Variants in ATF7IP observed in about 807,000 individuals in gnomAD.
ATF7IP encodes the protein activating transcription factor 7 interacting protein, also known as activating transcription factor 7-interacting protein 1.
Under a neutral mutation model 106.4 loss-of-function variants are expected in ATF7IP, and 23 were observed. The observed-to-expected ratio is 0.22, with a 90% confidence interval of 0.16 to 0.31. The LOEUF is 0.31. Among genes scored for constraint, ATF7IP ranks in the 10% least tolerant of loss-of-function variants. The pLI, the probability that ATF7IP is intolerant of heterozygous loss-of-function variation, is 1.00. For missense variants in ATF7IP, 1,334 were observed against 1,524.3 expected (o/e 0.88, Z 2.08); for synonymous variants, 542 against 539.0 (o/e 1.01, Z -0.08).
At chr12:14,487,198 A>G (rs1292913996) in intron 13 of ATF7IP, among the ~76,000 whole-genome samples, 1 of 151,428 alleles carries the variant, frequency 6.6e-6, no homozygotes, top group African/African-American at 2.5e-5. Flanking sequence ...CAAGAAATTC[A>G]GCCTGATCCA....
chr12:14,453,065 T>C (rs142209365), intron 6 of ATF7IP, among the ~76,000 whole-genome samples: 1 of 152,342 alleles, frequency 6.6e-6, no homozygotes, highest in Non-Finnish European at 1.5e-5. Context: ...TGCTGAGATA[T>C]CTGCGTGTTA....
intron 6 of ATF7IP, among the ~76,000 whole-genome samples, chr12:14,450,286 G>A (rs1943150596): frequency 6.6e-6 from 1 of 152,196 alleles, no homozygotes. Flanking sequence ...CATTGAGTAT[G>A]ATGTTAACCA....
chr12:14,492,521 G>A (rs1194751824), intron 13 of ATF7IP, among the ~76,000 whole-genome samples: 3 of 151,992 alleles, frequency 2.0e-5, no homozygotes, highest in African/African-American at 4.8e-5. Flanking sequence ...GAAATTGATT[G>A]AGGGGTCATC....
chr12:14,460,260 T>A (rs977861832), intron 8 of ATF7IP, among the ~76,000 whole-genome samples: 5 of 152,218 alleles, frequency 3.3e-5, no homozygotes, highest in African/African-American at 1.2e-4. Context: ...TCTTGCATAT[T>A]AATCATCGAT....
intron 1 of ATF7IP, chr12:14,394,990 G>A (rs560652243): frequency 3.3e-5 from 5 of 152,130 alleles, no homozygotes; most frequent in South Asian, 2.1e-4. Context: ...ATTGTCTGAC[G>A]TTTTTTGGCT....
chr12:14,445,960 C>T (rs1942936614), intron 5 of ATF7IP, among the ~76,000 whole-genome samples: 1 of 152,142 alleles, frequency 6.6e-6, no homozygotes, highest in Non-Finnish European at 1.5e-5. Flanking sequence ...AAAGGAGATA[C>T]TACCAAATAT....
intron 8 of ATF7IP, among the ~76,000 whole-genome samples, chr12:14,457,608 A>G (rs1435156103): frequency 6.6e-6 from 1 of 152,158 alleles, no homozygotes; most frequent in African/African-American, 2.4e-5. Context: ...AAAATACAGT[A>G]TAGATATTCA....
chr12:14,434,298 T>A, intron 2 of ATF7IP, 39 bp from the exon 3 acceptor site: 1 of 1,200,858 alleles, frequency 8.3e-7, no homozygotes, highest in Non-Finnish European at 1.2e-6. Flanking sequence ...TTATGAATTC[T>A]AGTAGAAGTA....
chr12:14,428,898 AT>A lies in ATF7IP; in HGVS notation c.1558+3427del, dbSNP rs578083980. 2.0e-5 allele frequency among the ~76,000 whole-genome samples: 3 copies of A among 152,338 alleles called. No individual in the cohort carries two copies. The East Asian group carries it at 5.8e-4, about 29-fold the overall frequency. On this transcript the variant is annotated intron_variant, in intron 2 of 14. Transcript: ENST00000261168. ...TTAATAGGTCTAGAGACATTACTGAATTGTGACATAGTATTATGTTATAACT... is the reference window on the plus strand; with the variant it reads ...TTAATAGGTCTAGAGACATTACTGAATGTGACATAGTATTATGTTATAACT...
chr12:14,445,393 CT>C (rs111253633), intron 5 of ATF7IP, among the ~76,000 whole-genome samples: 31 of 148,002 alleles, frequency 2.1e-4, no homozygotes, highest in Admixed American at 2.7e-4. Context: ...TTCTTTCTTT[CT>C]TTTTTTTTTG....
intron 1 of ATF7IP, among the ~76,000 whole-genome samples, chr12:14,380,187 G>A (rs1396813652): frequency 1.3e-5 from 2 of 151,976 alleles, no homozygotes; most frequent in Admixed American, 1.3e-4. Flanking sequence ...CTTGACTCAA[G>A]AATGTAACAT....
chr12:14,488,317 T>A (rs1409598253), intron 13 of ATF7IP, among the ~76,000 whole-genome samples: 2 of 152,120 alleles, frequency 1.3e-5, no homozygotes, highest in Non-Finnish European at 2.9e-5. Context: ...CAATAGTCTA[T>A]CTGCAAGCTT....
intron 1 of ATF7IP, among the ~76,000 whole-genome samples, chr12:14,415,916 A>G (rs1357718581): frequency 6.6e-6 from 1 of 152,138 alleles, no homozygotes; most frequent in Non-Finnish European, 1.5e-5. Flanking sequence ...ACATTGTCAG[A>G]TTTTGTTATC....
chr12:14,416,794 G>T (rs989314672), intron 1 of ATF7IP: 4 of 431,062 alleles, frequency 9.3e-6, no homozygotes, highest in Non-Finnish European at 1.2e-5. Context: ...TGACACTGAT[G>T]TCTGATTGGT....
chr12:14,398,021 C>T (rs1404058044), intron 1 of ATF7IP, among the ~76,000 whole-genome samples: 6 of 152,046 alleles, frequency 3.9e-5, no homozygotes, highest in Admixed American at 6.6e-5. Context: ...ATATTTGAAA[C>T]AATTGTTACG....
chr12:14,413,967 C>T (rs1941063791), intron 1 of ATF7IP, among the ~76,000 whole-genome samples: 1 of 152,084 alleles, frequency 6.6e-6, no homozygotes. Flanking sequence ...ATAGCTAAAA[C>T]TTGAGCTAGA....
chr12:14,387,483 G>A (rs1018716429), intron 1 of ATF7IP, among the ~76,000 whole-genome samples: 3 of 152,130 alleles, frequency 2.0e-5, no homozygotes, highest in African/African-American at 7.2e-5. Context: ...AGCAGTTTAT[G>A]CTGGTCTTGA....
chr12:14,429,362 A>T (rs952589773), intron 2 of ATF7IP, among the ~76,000 whole-genome samples: 8 of 151,912 alleles, frequency 5.3e-5, no homozygotes, highest in Admixed American at 5.2e-4. Context: ...GGCCTTTCTC[A>T]TTCTATTTCT....
intron 10 of ATF7IP, among the ~76,000 whole-genome samples, chr12:14,470,265 A>G (rs781542102): frequency 2.0e-5 from 3 of 152,314 alleles, no homozygotes; most frequent in Admixed American, 1.3e-4. Flanking sequence ...TACAAAGCCA[A>G]TATGTTTGCT....
Sources: gnomAD v4.1 joint callset for allele counts (sites outside exome capture counted in the v4.1 genomes callset) on GRCh38, gnomAD v4.1.1 for gene constraint, MANE v1.5 for transcripts, NCBI Gene and HGNC (gene_info 2026-07-23, HGNC 2026-07-21) for gene names.